CDKN1B: variants seen among roughly 807,000 people sequenced by gnomAD.
CDKN1B encodes the protein cyclin-dependent kinase inhibitor 1B.
A neutral mutation model predicts 17.1 loss-of-function variants in CDKN1B; 7 were observed. The observed-to-expected ratio is 0.41, with a 90% CI of 0.23 to 0.77. CDKN1B has a LOEUF of 0.77. Ranked by LOEUF, CDKN1B falls within the 30% of genes least tolerant of loss-of-function variation. The pLI, the probability that CDKN1B is intolerant of heterozygous loss-of-function variation, is 0.33. For missense variants in CDKN1B, 337 were observed against 262.0 expected (o/e 1.29, Z -1.98); for synonymous variants, 149 against 104.3 (o/e 1.43, Z -2.61).
In CDKN1B at chr12:12,717,469, C is replaced by T. The variant is rs11550615; in HGVS notation, c.-371C>T. On this transcript the variant is annotated 5_prime_UTR_variant, in exon 1 of 3. Coordinates refer to ENST00000228872, the MANE Select transcript of CDKN1B (RefSeq NM_004064.5). Reference sequence around the variant, plus strand: ...TCCCCCTCCCCTGTCCCCGCTTGCTCACGGCTCTGCGACTCCGACGCCGGC... The same window carrying T: ...TCCCCCTCCCCTGTCCCCGCTTGCTTACGGCTCTGCGACTCCGACGCCGGC... The T allele has an allele frequency of 1.1e-4, 152 of 1,329,804 alleles. No individual in the cohort carries two copies. In the East Asian group the frequency reaches 4.1e-3, roughly 36 times the overall value. 82.4% of individuals were successfully genotyped at this position (1,329,804 alleles called of 1,614,324 possible).
Position 12,721,283 on chromosome 12 carries a change from A to G in CDKN1B, c.*256A>G, listed in dbSNP as rs953315980. ...ATTTGCTTCATTGTACTACCTGTGT[A>G]TATAGTTTTTACCTTTTATGTAGCA... On this transcript the variant is annotated 3_prime_UTR_variant, in exon 3 of 3. Transcript: ENST00000228872. The G allele has an allele frequency of 1.4e-5, 5 of 363,030 alleles. No individual in the cohort carries two copies. The highest frequency in any genetic ancestry group is 2.7e-5 in the South Asian group (1 of 36,434). 22.5% of individuals were successfully genotyped at this position (363,030 alleles called of 1,614,324 possible).
chr12:12,718,060 A>G lies in CDKN1B; in HGVS notation c.221A>G (p.Tyr74Cys), dbSNP rs775677772. 6.2e-7 allele frequency: 1 copy of G among 1,614,264 alleles called. No individual in the cohort carries two copies. The highest frequency in any genetic ancestry group is 1.1e-5 in the South Asian group (1 of 91,086). Residue 74 changes from tyrosine to cysteine, a missense_variant, in exon 1 of 3, where the codon TAC becomes TGC. Tyr to Cys is a radical substitution (Grantham distance 194). Transcript: ENST00000228872. ...AATCACAAACCCCTAGAGGGCAAGT[A>G]CGAGTGGCAAGAGGTGGAGAAGGGC... ...FQNHKPLEGKYEWQEVEKGSL... is the reference protein window; with the variant it reads ...FQNHKPLEGKCEWQEVEKGSL...
rs140177202 is a variant in CDKN1B at position 12,718,892 on chromosome 12, C to G, written c.543C>G (p.Ala181=). 9.0e-5 allele frequency: 146 copies of G among 1,614,126 alleles called. No homozygotes were observed. In the African/African-American group the frequency reaches 1.8e-3, roughly 20 times the overall value. Residue 181 remains alanine (A), a synonymous_variant, in exon 2 of 3, where the codon GCC becomes GCG. Coordinates refer to ENST00000228872, the MANE Select transcript of CDKN1B (RefSeq NM_004064.5). ...EENVSDGSPN[A]GSVEQTPKKP... ...ATGTTTCAGACGGTTCCCCAAATGCCGGTTCTGTGGAGCAGACGCCCAAGA... is the reference window on the plus strand; with the variant it reads ...ATGTTTCAGACGGTTCCCCAAATGCGGGTTCTGTGGAGCAGACGCCCAAGA...
chr12:12,717,429 T>C lies in CDKN1B; in HGVS notation c.-411T>C, dbSNP rs544835565. 4.2e-4 allele frequency: 516 copies of C among 1,237,506 alleles called. 5 individuals carry two copies. In the South Asian group the frequency reaches 9.8e-3, roughly 23 times the overall value. 76.7% of individuals were successfully genotyped at this position (1,237,506 alleles called of 1,614,324 possible). ...CCACTAAAAAAAGGGGGCTCGTCTT[T>C]TCGGGGTGTTTTTCTCCCCCTCCCC... On this transcript the variant is annotated 5_prime_UTR_variant, in exon 1 of 3. Coordinates refer to ENST00000228872, the MANE Select transcript of CDKN1B (RefSeq NM_004064.5).
At position 12,717,559 on chromosome 12, in the gene CDKN1B, C is replaced by T. The variant is rs907062547; in HGVS notation, c.-281C>T. On this transcript the variant is annotated 5_prime_UTR_variant, in exon 1 of 3. Coordinates refer to ENST00000228872, the MANE Select transcript of CDKN1B (RefSeq NM_004064.5). ...TTGCACCCGCCCAGACTCGGACGGG[C>T]TTTGCCACCCTCTCCGCTTGCCTGG... 1.5e-5 allele frequency: 21 copies of T among 1,410,162 alleles called. No individual in the cohort carries two copies. Among genetic ancestry groups the T allele is most frequent in the Middle Eastern group, 2.6e-4 (1 of 3,800 alleles). 87.4% of individuals were successfully genotyped at this position (1,410,162 alleles called of 1,614,324 possible).
At position 12,721,256 on chromosome 12, in the gene CDKN1B, T is replaced by G. The variant is rs994638330; in HGVS notation, c.*229T>G. On this transcript the variant is annotated 3_prime_UTR_variant, in exon 3 of 3. Coordinates refer to ENST00000228872, the MANE Select transcript of CDKN1B (RefSeq NM_004064.5). ...TAGCATTATGCAATTAGGTTTTTCC[T>G]TATTTGCTTCATTGTACTACCTGTG... is the stretch of plus-strand genomic sequence containing the variant. The G allele has an allele frequency of 4.4e-6, 3 of 687,270 alleles. No individual in the cohort carries two copies. Among genetic ancestry groups the G allele is most frequent in the Non-Finnish European group, 8.0e-6 (3 of 375,484 alleles). 42.6% of individuals were successfully genotyped at this position (687,270 alleles called of 1,614,324 possible).
At chr12:12,719,338 G>A (rs1946519162) in intron 2 of CDKN1B, 4 of 218,334 alleles carry the variant, frequency 1.8e-5, no homozygotes, top group Non-Finnish European at 2.8e-5. Context: ...AGCTTGAGTC[G>A]GTAACAGATT....
rs543306658 is a variant in CDKN1B at position 12,721,225 on chromosome 12, T to C, written c.*198T>C. 1.3e-6 allele frequency: 1 copy of C among 751,314 alleles called. No individual in the cohort carries two copies. The highest frequency in any genetic ancestry group is 2.5e-5 in the East Asian group (1 of 40,608). 46.5% of individuals were successfully genotyped at this position (751,314 alleles called of 1,614,324 possible). A position where few individuals can be genotyped will look rare whatever the true frequency, so the allele number is the denominator to read the frequency against. On this transcript the variant is annotated 3_prime_UTR_variant, in exon 3 of 3. Coordinates refer to ENST00000228872, the MANE Select transcript of CDKN1B (RefSeq NM_004064.5). ...TTAAATGATCTGCCTCTAAAAGCGT[T>C]GGATGTAGCATTATGCAATTAGGTT...
At chr12:12,719,198 C>T in intron 2 of CDKN1B, 1 of 494,996 alleles carries the variant, frequency 2.0e-6, no homozygotes, top group Non-Finnish European at 3.6e-6. Context: ...CAGGCCCCAT[C>T]GGGTAGGAAG....
In CDKN1B at chr12:12,718,165, T is replaced by A. The variant is rs2066827; in HGVS notation, c.326T>A (p.Val109Asp). ...GTGCCGGCGCAGGAGAGCCAGGATG[T>A]CAGCGGGAGCCGCCCGGCGGCGCCT... ...CKVPAQESQD[V>D]SGSRPAAPLI... The change falls in exon 1 of 3, where the codon GTC becomes GAC. Residue 109 changes from valine to aspartate, a missense_variant. Transcript: ENST00000228872. The A allele has an allele frequency of 3.6e-5, 58 of 1,613,412 alleles. No individual in the cohort carries two copies. The Admixed American group carries it at 8.8e-4, about 25-fold the overall frequency.
intron 1 of CDKN1B, 101 bp from the exon 2 acceptor site, chr12:12,718,724 A>C (rs1223398077): frequency 7.7e-7 from 1 of 1,295,904 alleles, no homozygotes; most frequent in Non-Finnish European, 1.1e-6. Flanking sequence ...GGGTGGAGGT[A>C]GTGGGTTTTT....
At chr12:12,718,498 C>G (rs987765989) in intron 1 of CDKN1B, among the ~76,000 whole-genome samples, 184 bp downstream of exon 1, 1 of 152,118 alleles carries the variant, frequency 6.6e-6, no homozygotes, top group Admixed American at 6.6e-5. Context: ...AAGTCAGAAA[C>G]TGGAGATGGT....
Position 12,718,138 on chromosome 12 carries a change from A to G in CDKN1B, c.299A>G (p.Lys100Arg), listed in dbSNP as rs774291520. 1.2e-6 allele frequency: 2 copies of G among 1,614,090 alleles called. No homozygotes were observed. The highest frequency in any genetic ancestry group is 1.3e-5 in the African/African-American group (1 of 75,074). ...CCGCGGCCCCCCAAAGGTGCCTGCA[A>G]GGTGCCGGCGCAGGAGAGCCAGGAT... is the stretch of plus-strand genomic sequence containing the variant. ...RPPRPPKGAC[K>R]VPAQESQDVS... is the part of the protein sequence containing the mutation. The change falls in exon 1 of 3, where the codon AAG (lysine) becomes AGG (arginine). Residue 100 changes from lysine (K) to arginine (R), a missense_variant. Coordinates refer to ENST00000228872, the MANE Select transcript of CDKN1B (RefSeq NM_004064.5).
chr12:12,720,543 C>T (rs1002395512), intron 2 of CDKN1B, among the ~76,000 whole-genome samples: 2 of 152,002 alleles, frequency 1.3e-5, no homozygotes, highest in African/African-American at 4.8e-5. Flanking sequence ...AATTTTTACC[C>T]GTAAGTATTA....
Position 12,721,130 on chromosome 12 carries a change from T to C in CDKN1B, c.*103T>C, listed in dbSNP as rs1946537235. The C allele has an allele frequency of 2.6e-6, 2 of 775,136 alleles. No individual in the cohort carries two copies. The highest frequency in any genetic ancestry group is 4.9e-5 in the East Asian group (2 of 41,148). 48.0% of individuals were successfully genotyped at this position (775,136 alleles called of 1,614,324 possible). A position where few individuals can be genotyped will look rare whatever the true frequency, so the allele number is the denominator to read the frequency against. On this transcript the variant is annotated 3_prime_UTR_variant, in exon 3 of 3. Transcript: ENST00000228872. ...AATTTTAAAAATACATATCGCTGAC[T>C]TCATGGAATGGACATCCTGTATAAG...
intron 2 of CDKN1B, chr12:12,719,554 A>C (rs1946521145): frequency 6.6e-6 from 1 of 152,392 alleles, no homozygotes; most frequent in African/African-American, 2.4e-5. Context: ...TATTTGCAAA[A>C]ACCAAATGGA....
intron 2 of CDKN1B, among the ~76,000 whole-genome samples, chr12:12,720,780 CA>C: frequency 6.6e-6 from 1 of 152,236 alleles, no homozygotes; most frequent in African/African-American, 2.4e-5. Context: ...CAGACATTGC[CA>C]AATGTTCCCT....
At position 12,718,848 on chromosome 12, in the gene CDKN1B, G is replaced by A. The variant is rs763817628; in HGVS notation, c.499G>A (p.Ala167Thr). Reference sequence around the variant, plus strand: ...AGATTCTTCTACTCAAAACAAAAGAGCCAACAGAACAGAAGAAAATGTTTC... The same window carrying A: ...AGATTCTTCTACTCAAAACAAAAGAACCAACAGAACAGAAGAAAATGTTTC... ...TDDSSTQNKR[A>T]NRTEENVSDG... The change falls in exon 2 of 3, where the codon GCC (alanine) becomes ACC (threonine). Residue 167 changes from alanine to threonine, a missense_variant. Coordinates refer to ENST00000228872, the MANE Select transcript of CDKN1B (RefSeq NM_004064.5). 2 of 1,614,056 alleles carry A rather than the reference G, an allele frequency of 1.2e-6. No homozygotes were observed. Among genetic ancestry groups the A allele is most frequent in the Non-Finnish European group, 1.7e-6 (2 of 1,179,998 alleles).
intron 2 of CDKN1B, 146 bp downstream of exon 2, chr12:12,719,100 A>G: frequency 1.1e-6 from 1 of 911,090 alleles, no homozygotes; most frequent in Non-Finnish European, 1.7e-6. Flanking sequence ...AGCAATGGGG[A>G]AGGCTGGGGA....
Sources: allele counts gnomAD v4.1 joint callset (sites outside exome capture counted in the v4.1 genomes callset), GRCh38; gene constraint gnomAD v4.1.1; transcripts MANE v1.5; gene names NCBI Gene and HGNC (gene_info 2026-07-23, HGNC 2026-07-21).